AUTS2: variants seen among roughly 807,000 people sequenced by gnomAD.
AUTS2 encodes the protein autism susceptibility gene 2 protein.
Under a neutral mutation model 112.4 loss-of-function variants are expected in AUTS2, and 17 were observed. That is an observed-to-expected ratio of 0.15 (90% CI 0.10 to 0.23). The LOEUF (loss-of-function observed/expected upper bound fraction) is 0.23, where lower values mean the gene tolerates loss of function less well. AUTS2 is among the 10% of genes least tolerant of loss of function. The pLI, the probability that AUTS2 is intolerant of heterozygous loss-of-function variation, is 1.00. For synonymous variants in AUTS2, 751 were observed against 702.7 expected, an observed-to-expected ratio of 1.07 and a Z score of -1.09; for missense variants, 1,510 against 1,701.6, an observed-to-expected ratio of 0.89 and a Z score of 1.98.
At chr7:70,450,566 C>T (rs1381807432) in intron 5 of AUTS2, among the ~76,000 whole-genome samples, 1 of 152,142 alleles carries the variant, frequency 6.6e-6, no homozygotes, top group Non-Finnish European at 1.5e-5. Context: ...AGACTGTAAA[C>T]ATATGTTGGT....
chr7:69,700,886 T>C (rs562827378), intron 1 of AUTS2, among the ~76,000 whole-genome samples: 3 of 152,352 alleles, frequency 2.0e-5, no homozygotes, highest in Admixed American at 6.5e-5. Context: ...GCTGTCATTC[T>C]GTCCTGTTAA....
intron 4 of AUTS2, among the ~76,000 whole-genome samples, chr7:70,355,857 G>GGGA (rs1791988770): frequency 6.6e-6 from 1 of 152,152 alleles, no homozygotes; most frequent in Non-Finnish European, 1.5e-5. Context: ...GAACCATGCT[G>GGGA]CCTTACCCCT....
chr7:70,465,761 T>A (rs1797146726), intron 5 of AUTS2, among the ~76,000 whole-genome samples: 1 of 152,134 alleles, frequency 6.6e-6, no homozygotes. Flanking sequence ...TCTCCAGCAG[T>A]GCAAAGCTGA....
intron 1 of AUTS2, among the ~76,000 whole-genome samples, chr7:69,614,370 T>TTCTTTCTTTTCTTTCTTTTCTTTCTTTC (rs1583942896): frequency 3.5e-5 from 1 of 28,508 alleles, no homozygotes; most frequent in Non-Finnish European, 9.2e-5. Flanking sequence ...CTTTCTTTTT[T>TTCTTTCTTTTCTTTCTTTTCTTTCTTTC]TAAGAGATGG....
At position 69,789,469 on chromosome 7, in the gene AUTS2, T is replaced by A. The variant is rs956739623; in HGVS notation, c.310-109817T>A. Reference sequence around the variant, plus strand: ...AATGCTGATATTCCCTGTTATTAATTTAAGTAAGTCCCTGTTGTTTCTGTT... The same window carrying A: ...AATGCTGATATTCCCTGTTATTAATATAAGTAAGTCCCTGTTGTTTCTGTT... On this transcript the variant is annotated intron_variant, in intron 1 of 18. Coordinates refer to ENST00000342771, the MANE Select transcript of AUTS2 (RefSeq NM_015570.4). 3.3e-5 allele frequency among the ~76,000 whole-genome samples: 5 copies of A among 152,302 alleles called. No individual in the cohort carries two copies. In the East Asian group the frequency reaches 9.6e-4, roughly 29 times the overall value.
intron 4 of AUTS2, among the ~76,000 whole-genome samples, chr7:70,249,864 A>G (rs961458951): frequency 2.0e-4 from 30 of 150,830 alleles, no homozygotes; most frequent in African/African-American, 6.6e-4. Context: ...AAATATTAAT[A>G]TTTTAAGTAA....
At chr7:70,522,817 G>A (rs1366577778) in intron 5 of AUTS2, among the ~76,000 whole-genome samples, 2 of 152,112 alleles carry the variant, frequency 1.3e-5, no homozygotes, top group African/African-American at 4.8e-5. Flanking sequence ...TTGAGCGTAT[G>A]CCCAGTAATG....
At chr7:69,673,253 T>G (rs1584047015) in intron 1 of AUTS2, among the ~76,000 whole-genome samples, 1 of 152,138 alleles carries the variant, frequency 6.6e-6, no homozygotes, top group African/African-American at 2.4e-5. Context: ...GAGATTGTGG[T>G]GCTAAAAAAG....
At chr7:70,320,634 A>G (rs1790211806) in intron 4 of AUTS2, among the ~76,000 whole-genome samples, 1 of 152,224 alleles carries the variant, frequency 6.6e-6, no homozygotes, top group African/African-American at 2.4e-5. Context: ...ACTCTAGTCC[A>G]ACATGAAACA....
chr7:70,010,571 CTG>C (rs1279733310), intron 2 of AUTS2, among the ~76,000 whole-genome samples: 1 of 152,226 alleles, frequency 6.6e-6, no homozygotes, highest in East Asian at 1.9e-4. Context: ...AGCCGAGCAC[CTG>C]CTGACTCACA....
At chr7:69,604,398 TAAATCTAGCG>T (rs1487907827) in intron 1 of AUTS2, among the ~76,000 whole-genome samples, 1 of 152,216 alleles carries the variant, frequency 6.6e-6, no homozygotes, top group Non-Finnish European at 1.5e-5. Flanking sequence ...AAACCAAACA[TAAATCTAGCG>T]TTTTGAGAAA....
intron 2 of AUTS2, among the ~76,000 whole-genome samples, chr7:70,000,630 A>G (rs571291396): frequency 2.0e-5 from 3 of 152,314 alleles, no homozygotes; most frequent in African/African-American, 7.2e-5. Flanking sequence ...GTATTCTCCC[A>G]TCATCTTTAT....
intron 1 of AUTS2, among the ~76,000 whole-genome samples, chr7:69,735,884 G>T (rs1020433559): frequency 7.2e-5 from 11 of 152,210 alleles, no homozygotes; most frequent in African/African-American, 2.7e-4. Context: ...CTCACATTCA[G>T]TGCTGAATGA....
intron 5 of AUTS2, among the ~76,000 whole-genome samples, chr7:70,607,434 G>A (rs896483966): frequency 6.6e-6 from 1 of 152,168 alleles, no homozygotes; most frequent in Admixed American, 6.5e-5. Context: ...AAAGCAGTGA[G>A]GTCTCAGGTG....
At chr7:69,919,268 G>A (rs1242367750) in intron 2 of AUTS2, among the ~76,000 whole-genome samples, 2 of 152,140 alleles carry the variant, frequency 1.3e-5, no homozygotes, top group African/African-American at 4.8e-5. Flanking sequence ...TACAGCGTGT[G>A]GCTATTGATA....
chr7:70,732,632 A>T (rs985709734), intron 6 of AUTS2, among the ~76,000 whole-genome samples: 1 of 152,098 alleles, frequency 6.6e-6, no homozygotes, highest in Non-Finnish European at 1.5e-5. Flanking sequence ...GCTCTCATTG[A>T]ACCCACTTAA....
At chr7:69,946,146 C>T (rs942944582) in intron 2 of AUTS2, among the ~76,000 whole-genome samples, 10 of 152,078 alleles carry the variant, frequency 6.6e-5, no homozygotes, top group African/African-American at 2.2e-4. Flanking sequence ...CACACACAGC[C>T]GAATTTGATT....
At chr7:69,666,671 G>A (rs1435269433) in intron 1 of AUTS2, among the ~76,000 whole-genome samples, 1 of 152,108 alleles carries the variant, frequency 6.6e-6, no homozygotes, top group Non-Finnish European at 1.5e-5. Context: ...AGAGGTGAAG[G>A]CAGGAGGATT....
intron 4 of AUTS2, among the ~76,000 whole-genome samples, chr7:70,187,662 G>C (rs1809674325): frequency 1.3e-5 from 2 of 152,014 alleles, no homozygotes; most frequent in East Asian, 1.9e-4. Flanking sequence ...CAAATTAATG[G>C]CTTCTTGGCA....
Sources: allele counts gnomAD v4.1 joint callset (sites outside exome capture counted in the v4.1 genomes callset), GRCh38; gene constraint gnomAD v4.1.1; transcripts MANE v1.5; gene names NCBI Gene and HGNC (gene_info 2026-07-23, HGNC 2026-07-21).